Variants in SMG6 observed in about 807,000 individuals in gnomAD.
The protein encoded by SMG6 is telomerase-binding protein EST1A.
SMG6 carries 66 observed loss-of-function variants against 142.2 expected under a neutral mutation model. The observed-to-expected ratio is 0.46, with a 90% CI of 0.38 to 0.57. SMG6 has a LOEUF of 0.57. Ranked by LOEUF, SMG6 falls within the 20% of genes least tolerant of loss-of-function variation. SMG6 has a pLI of 0.00. For synonymous variants in SMG6, 779 were observed against 702.4 expected, an observed-to-expected ratio of 1.11 and a Z score of -1.72; for missense variants, 1,793 against 1,832.0, an observed-to-expected ratio of 0.98 and a Z score of 0.39.
chr17:2,258,622 G>A (rs1320111299), intron 8 of SMG6, among the ~76,000 whole-genome samples: 4 of 147,614 alleles, frequency 2.7e-5, no homozygotes, highest in South Asian at 4.3e-4. Context: ...GGGCAACATA[G>A]AGAGACCTTG....
chr17:2,154,440 T>A (rs938255474), intron 13 of SMG6, among the ~76,000 whole-genome samples: 2 of 152,190 alleles, frequency 1.3e-5, no homozygotes, highest in African/African-American at 2.4e-5. Flanking sequence ...GACAAAGATT[T>A]ATGTTGGAAA....
At chr17:2,161,953 GA>G (rs1450734448) in intron 13 of SMG6, among the ~76,000 whole-genome samples, 4 of 152,180 alleles carry the variant, frequency 2.6e-5, no homozygotes. Flanking sequence ...GGAGGTCTAA[GA>G]AGGAGAAACT....
At chr17:2,072,682 G>A (rs1052220627) in intron 15 of SMG6, 1 of 152,208 alleles carries the variant, frequency 6.6e-6, no homozygotes, top group Non-Finnish European at 1.5e-5. Context: ...TGTGGCACTT[G>A]GAGAACCTGG....
At chr17:2,102,085 C>A (rs1356664584) in intron 13 of SMG6, among the ~76,000 whole-genome samples, 1 of 152,186 alleles carries the variant, frequency 6.6e-6, no homozygotes, top group African/African-American at 2.4e-5. Context: ...CCTAGTGGAA[C>A]GACAGTGTCG....
At chr17:2,088,037 A>G (rs1248164396) in intron 13 of SMG6, 27 of 985,432 alleles carry the variant, frequency 2.7e-5, no homozygotes, top group Non-Finnish European at 3.0e-5. Context: ...GAGGGGAGCT[A>G]AGGAGTGAGA....
intron 13 of SMG6, among the ~76,000 whole-genome samples, chr17:2,132,734 G>C (rs2070163166): frequency 6.6e-6 from 1 of 152,162 alleles, no homozygotes; most frequent in Non-Finnish European, 1.5e-5. Context: ...AGGTCTGAGA[G>C]AGTGACAGAA....
chr17:2,148,843 A>C (rs2070743799), intron 13 of SMG6, among the ~76,000 whole-genome samples: 1 of 148,262 alleles, frequency 6.7e-6, no homozygotes, highest in African/African-American at 2.5e-5. Context: ...TGGGAGGCAG[A>C]GTAAGACTCT....
At chr17:2,109,825 C>T (rs557502562) in intron 13 of SMG6, among the ~76,000 whole-genome samples, 1 of 152,270 alleles carries the variant, frequency 6.6e-6, no homozygotes, top group East Asian at 1.9e-4. Flanking sequence ...GACGCAGTGG[C>T]TCACACCTGT....
intron 13 of SMG6, among the ~76,000 whole-genome samples, chr17:2,107,702 A>G (rs962973203): frequency 1.2e-4 from 18 of 152,172 alleles, no homozygotes; most frequent in Admixed American, 2.6e-4. Context: ...TTGGAGCTGG[A>G]AGAGGGTGAG....
chr17:2,267,358 C>T (rs1420788992), intron 8 of SMG6, among the ~76,000 whole-genome samples: 1 of 138,070 alleles, frequency 7.2e-6, no homozygotes, highest in African/African-American at 2.5e-5. Context: ...CCACACCTGG[C>T]TAATTTTTTT....
At chr17:2,160,382 T>C (rs1386233300) in intron 13 of SMG6, among the ~76,000 whole-genome samples, 1 of 152,008 alleles carries the variant, frequency 6.6e-6, no homozygotes, top group Non-Finnish European at 1.5e-5. Context: ...CCAAACCTGG[T>C]TAATTTTTGT....
chr17:2,234,611 C>G (rs2073596520), intron 10 of SMG6, among the ~76,000 whole-genome samples: 2 of 152,176 alleles, frequency 1.3e-5, no homozygotes, highest in Admixed American at 1.3e-4. Context: ...AAGAAAAAGA[C>G]TCACTGGTGG....
In SMG6 at chr17:2,065,693, G is replaced by A. The variant is rs756115833; in HGVS notation, c.3836-14C>T. On this transcript the variant is annotated splice_polypyrimidine_tract_variant and intron_variant, in intron 16 of 18. Transcript: ENST00000263073. ...GCTCATTGATCACTGATGAGATAGA[G>A]CCCCACAAGGTATCAGCCTCAGCAA... The A allele has an allele frequency of 1.3e-5, 21 of 1,599,760 alleles. No individual in the cohort carries two copies. The highest frequency in any genetic ancestry group is 1.5e-5 in the Non-Finnish European group (18 of 1,172,452).
intron 13 of SMG6, chr17:2,127,814 C>A: frequency 5.5e-6 from 3 of 549,578 alleles, no homozygotes; most frequent in South Asian, 4.2e-5. Flanking sequence ...GTAATCATAT[C>A]GTTTTTCACA....
intron 12 of SMG6, among the ~76,000 whole-genome samples, chr17:2,173,533 G>A (rs773461752): frequency 6.6e-6 from 1 of 152,130 alleles, no homozygotes; most frequent in Non-Finnish European, 1.5e-5. Flanking sequence ...TCTCATTTGT[G>A]GAAGGTGAGA....
At chr17:2,277,666 T>C (rs2074692400) in intron 8 of SMG6, among the ~76,000 whole-genome samples, 1 of 152,218 alleles carries the variant, frequency 6.6e-6, no homozygotes, top group African/African-American at 2.4e-5. Flanking sequence ...TATTGCATTA[T>C]AGCAGGAATA....
intron 10 of SMG6, among the ~76,000 whole-genome samples, chr17:2,222,718 G>C (rs1238978863): frequency 6.6e-6 from 1 of 151,824 alleles, no homozygotes; most frequent in Non-Finnish European, 1.5e-5. Flanking sequence ...GAGAGGTAAG[G>C]GGTACAAAAA....
chr17:2,218,147 C>T (rs534519728), intron 10 of SMG6, among the ~76,000 whole-genome samples: 1 of 152,284 alleles, frequency 6.6e-6, no homozygotes, highest in Admixed American at 6.5e-5. Context: ...TCTTGCTGTT[C>T]AGCTCAATAG....
chr17:2,121,578 C>CGTGTGT (rs2069691479), intron 13 of SMG6, among the ~76,000 whole-genome samples: 2 of 58,510 alleles, frequency 3.4e-5, no homozygotes, highest in Admixed American at 3.6e-4. Flanking sequence ...TATATATGTA[C>CGTGTGT]ATGTCTGTCT....
Sources: allele counts gnomAD v4.1 joint callset (sites outside exome capture counted in the v4.1 genomes callset), GRCh38; gene constraint gnomAD v4.1.1; transcripts MANE v1.5; gene names NCBI Gene and HGNC (gene_info 2026-07-23, HGNC 2026-07-21).